Variants in SH3D19 observed in about 807,000 individuals in gnomAD.
SH3D19 encodes SH3 domain-containing protein 19.
In SH3D19, 58 loss-of-function variants were observed where a neutral mutation model predicts 112.1. The ratio of observed to expected loss-of-function variants is 0.52; its 90% CI spans 0.42 to 0.64. The LOEUF (loss-of-function observed/expected upper bound fraction) is 0.64. Among genes scored for constraint, SH3D19 ranks in the 30% least tolerant of loss-of-function variants. The pLI is 0.00. For missense variants in SH3D19, 1,090 were observed against 1,263.4 expected, an observed-to-expected ratio of 0.86 and a Z score of 2.08; for synonymous variants, 391 against 448.5, an observed-to-expected ratio of 0.87 and a Z score of 1.62.
At chr4:151,317,416 G>T (rs1730093850) in intron 1 of SH3D19, among the ~76,000 whole-genome samples, 1 of 152,200 alleles carries the variant, frequency 6.6e-6, no homozygotes, top group African/African-American at 2.4e-5. Context: ...GTGTTCAAAG[G>T]ATTAGTCTCT....
At chr4:151,314,758 T>C (rs1404671741) in intron 1 of SH3D19, among the ~76,000 whole-genome samples, 2 of 152,208 alleles carry the variant, frequency 1.3e-5, no homozygotes, top group Non-Finnish European at 2.9e-5. Flanking sequence ...GTGGTGACTC[T>C]ATCTAATCAG....
chr4:151,250,311 A>G (rs1437548565), intron 1 of SH3D19, among the ~76,000 whole-genome samples: 1 of 152,224 alleles, frequency 6.6e-6, no homozygotes, highest in Non-Finnish European at 1.5e-5. Context: ...TTTAAAGAAC[A>G]GTAATCAGGT....
chr4:151,226,040 T>C lies in SH3D19; in HGVS notation c.152+7A>G, dbSNP rs1768940490. On this transcript the variant is annotated splice_region_variant and intron_variant, in intron 2 of 19. Coordinates refer to ENST00000604030, the MANE Select transcript of SH3D19 (RefSeq NM_001378122.1). ...ATACAGAATTATTAGATACTGTAAA[T>C]TCATACCTTGAAGAACGATGTTCTG... 8.1e-7 allele frequency: 1 copy of C among 1,230,754 alleles called. No homozygotes were observed. Among genetic ancestry groups the C allele is most frequent in the Non-Finnish European group, 1.0e-6 (1 of 986,756 alleles). The allele number at this position is 1,230,754 out of a possible 1,614,324, so 76.2% of individuals were successfully genotyped here.
chr4:151,312,008 A>G (rs1729505030), intron 1 of SH3D19, among the ~76,000 whole-genome samples: 1 of 152,166 alleles, frequency 6.6e-6, no homozygotes, highest in South Asian at 2.1e-4. Context: ...ATTATATTTG[A>G]AATTTGCTGA....
At chr4:151,185,330 C>T (rs935353653) in intron 3 of SH3D19, among the ~76,000 whole-genome samples, 2 of 152,050 alleles carry the variant, frequency 1.3e-5, no homozygotes, top group African/African-American at 4.8e-5. Context: ...CATAGCTTGT[C>T]CTCAGACGTC....
At chr4:151,307,173 T>C (rs4696244) in intron 1 of SH3D19, among the ~76,000 whole-genome samples, 22,825 of 151,344 alleles carry the variant, frequency 0.15, 1,810 homozygotes, top group South Asian at 0.28. Flanking sequence ...CGCCCGCCAC[T>C]ACGCCCGGCT....
At chr4:151,279,928 T>C (rs768084103) in intron 1 of SH3D19, 2 of 1,613,562 alleles carry the variant, frequency 1.2e-6, no homozygotes, top group Non-Finnish European at 1.7e-6. Context: ...AGTGAGAGGT[T>C]GATACTGACA....
At chr4:151,235,101 T>G (rs1417554719) in intron 1 of SH3D19, among the ~76,000 whole-genome samples, 2 of 151,868 alleles carry the variant, frequency 1.3e-5, no homozygotes, top group Non-Finnish European at 2.9e-5. Flanking sequence ...GTTACATGTT[T>G]CAAAGGGGTT....
chr4:151,255,287 A>G lies in SH3D19; in HGVS notation c.113-29201T>C, dbSNP rs1339182160. Among the ~76,000 whole-genome samples the G allele has an allele frequency of 3.5e-3, 511 of 146,004 alleles. 3 individuals carry two copies. Among genetic ancestry groups the G allele is most frequent in the African/African-American group, 0.012 (484 of 38,906 alleles). Reference sequence around the variant, plus strand: ...TTCTCAGACGGGGCGGTTGCCGGGCAGAGGGTCTCCTCACTTCTCAGACGG... The same window carrying G: ...TTCTCAGACGGGGCGGTTGCCGGGCGGAGGGTCTCCTCACTTCTCAGACGG... On this transcript the variant is annotated intron_variant, in intron 1 of 19. Transcript: ENST00000604030.
chr4:151,127,639 A>T lies in SH3D19; in HGVS notation c.3006T>A (p.Asn1002Lys). ...AKALYDFRGE[N>K]EDELSFKAGD... ...TGACCTTGAAGGAAAGTTCATCTTC[A>T]TTCTCCCCTCGGAAATCATATAAGG... The change falls in exon 19 of 20, where the codon AAT becomes AAA. Residue 1002 changes from asparagine (N) to lysine (K), a missense_variant. Coordinates refer to ENST00000604030, the MANE Select transcript of SH3D19 (RefSeq NM_001378122.1). 6.2e-7 allele frequency: 1 copy of T among 1,602,620 alleles called. No individual in the cohort carries two copies. The highest frequency in any genetic ancestry group is 8.5e-7 in the Non-Finnish European group (1 of 1,175,946).
chr4:151,230,377 T>C (rs1769515793), intron 1 of SH3D19, among the ~76,000 whole-genome samples: 2 of 152,170 alleles, frequency 1.3e-5, no homozygotes, highest in African/African-American at 4.8e-5. Flanking sequence ...TCAGAACTTA[T>C]TAGAATCTGT....
chr4:151,316,890 C>A (rs1330813963), intron 1 of SH3D19, among the ~76,000 whole-genome samples: 1 of 152,224 alleles, frequency 6.6e-6, no homozygotes, highest in Non-Finnish European at 1.5e-5. Context: ...CCTCCTCAAC[C>A]TTTACCCTGC....
intron 1 of SH3D19, among the ~76,000 whole-genome samples, chr4:151,242,557 T>A (rs1770646972): frequency 6.6e-6 from 1 of 152,170 alleles, no homozygotes; most frequent in African/African-American, 2.4e-5. Context: ...TCCTGACATA[T>A]CTTTAAAAAA....
intron 1 of SH3D19, among the ~76,000 whole-genome samples, chr4:151,281,445 G>A (rs1171442207): frequency 6.6e-6 from 1 of 152,142 alleles, no homozygotes; most frequent in African/African-American, 2.4e-5. Flanking sequence ...TAGGAGGATG[G>A]GTGGAATGGA....
chr4:151,278,227 T>C (rs923311684), intron 1 of SH3D19, among the ~76,000 whole-genome samples: 4 of 152,186 alleles, frequency 2.6e-5, no homozygotes, highest in Admixed American at 2.6e-4. Context: ...ATATTCCTGA[T>C]GGTGACCTTG....
At chr4:151,298,181 ATTTTTTTTTTT>A (rs386401883) in intron 1 of SH3D19, among the ~76,000 whole-genome samples, 5 of 94,886 alleles carry the variant, frequency 5.3e-5, no homozygotes, top group Non-Finnish European at 1.0e-4. Flanking sequence ...AGAATAATAA[ATTTTTTTTTTT>A]TTTTTTTTTT....
intron 1 of SH3D19, among the ~76,000 whole-genome samples, chr4:151,251,488 C>T (rs1771397440): frequency 6.6e-6 from 1 of 152,194 alleles, no homozygotes; most frequent in African/African-American, 2.4e-5. Context: ...GTGTGAGCCA[C>T]TGCACATGGC....
intron 11 of SH3D19, chr4:151,144,322 A>G (rs1753551172): frequency 6.3e-7 from 1 of 1,583,082 alleles, no homozygotes; most frequent in South Asian, 1.1e-5. Context: ...CTTATTCACA[A>G]TCAAATAACC....
intron 2 of SH3D19, among the ~76,000 whole-genome samples, chr4:151,214,894 G>A (rs1174316836): frequency 1.3e-5 from 2 of 148,530 alleles, no homozygotes; most frequent in Non-Finnish European, 3.0e-5. Context: ...GCCGGGCGGA[G>A]GGGCTCCTCA....
Sources: gnomAD v4.1 joint callset for allele counts (sites outside exome capture counted in the v4.1 genomes callset) on GRCh38, gnomAD v4.1.1 for gene constraint, MANE v1.5 for transcripts, NCBI Gene and HGNC (gene_info 2026-07-23, HGNC 2026-07-21) for gene names.